The following KCNIP4 variants were observed in gnomAD, a reference collection of about 807,000 sequenced individuals.
The protein encoded by KCNIP4 is Kv channel-interacting protein 4.
KCNIP4 carries 12 observed loss-of-function variants against 34.0 expected under a neutral mutation model. The observed-to-expected ratio is 0.35, with a 90% CI of 0.23 to 0.57. The LOEUF (loss-of-function observed/expected upper bound fraction) is 0.57, where lower values mean the gene tolerates loss of function less well. Ranked by LOEUF, KCNIP4 falls within the 20% of genes least tolerant of loss-of-function variation. The probability of loss-of-function intolerance (pLI) is 0.83; values close to 1 mark genes in which losing one functional copy is unlikely to be tolerated. For missense variants in KCNIP4, 238 were observed against 311.7 expected, an observed-to-expected ratio of 0.76 and a Z score of 1.78; for synonymous variants, 124 against 102.2, an observed-to-expected ratio of 1.21 and a Z score of -1.29.
chr4:21,757,006 AGAATCGCTT>A (rs1717576619), intron 1 of KCNIP4, among the ~76,000 whole-genome samples: 1 of 151,358 alleles, frequency 6.6e-6, no homozygotes, highest in South Asian at 2.1e-4. Context: ...CTGAGGCAGC[AGAATCGCTT>A]GAACCTGGGA....
intron 1 of KCNIP4, among the ~76,000 whole-genome samples, chr4:21,341,586 C>T (rs960602818): frequency 6.6e-6 from 1 of 150,862 alleles, no homozygotes; most frequent in South Asian, 2.1e-4. Context: ...TCCTAAATTG[C>T]AAATTATTGG....
At chr4:21,944,825 A>G (rs1284571527) in intron 1 of KCNIP4, among the ~76,000 whole-genome samples, 1 of 148,758 alleles carries the variant, frequency 6.7e-6, no homozygotes, top group Non-Finnish European at 1.5e-5. Context: ...AAAGTCCCTC[A>G]GGACCTTTAA....
At position 21,114,913 on chromosome 4, in the gene KCNIP4, T is replaced by A. The variant is rs1175730411; in HGVS notation, c.62-232204A>T. Among the ~76,000 whole-genome samples the A allele has an allele frequency of 2.6e-5, 4 of 152,254 alleles. No homozygotes were observed. In the East Asian group the frequency reaches 7.7e-4, roughly 29 times the overall value. Reference sequence around the variant, plus strand: ...CACTCCTCCACTCAAGAAACACCAATGATTTTATATCTTATGCCACAATAA... The same window carrying A: ...CACTCCTCCACTCAAGAAACACCAAAGATTTTATATCTTATGCCACAATAA... On this transcript the variant is annotated intron_variant, in intron 1 of 8. Coordinates refer to ENST00000382152, the MANE Select transcript of KCNIP4 (RefSeq NM_025221.6).
At chr4:21,592,815 C>T (rs962463816) in intron 1 of KCNIP4, among the ~76,000 whole-genome samples, 1 of 152,024 alleles carries the variant, frequency 6.6e-6, no homozygotes, top group East Asian at 1.9e-4. Flanking sequence ...ACTGAAAGAG[C>T]TGACTAGCAC....
At chr4:21,782,030 A>G (rs2125638) in intron 1 of KCNIP4, among the ~76,000 whole-genome samples, 97,074 of 151,594 alleles carry the variant, frequency 0.64, 32,201 homozygotes, top group Non-Finnish European at 0.73. Flanking sequence ...GAGAAAAAAT[A>G]AAGAAATGAA....
intron 1 of KCNIP4, among the ~76,000 whole-genome samples, chr4:21,494,296 T>A (rs986943641): frequency 1.3e-5 from 2 of 152,100 alleles, no homozygotes; most frequent in Non-Finnish European, 2.9e-5. Context: ...ACTTTTTAGA[T>A]GTTATAAGGA....
At chr4:20,781,101 G>A (rs1047473002) in intron 3 of KCNIP4, among the ~76,000 whole-genome samples, 11 of 152,198 alleles carry the variant, frequency 7.2e-5, no homozygotes, top group African/African-American at 2.4e-4. Context: ...GGATATATTG[G>A]TTTATTTTAC....
rs915940771 is a variant in KCNIP4, at chr4:21,172,977, G to A, written c.62-290268C>T. Among the ~76,000 whole-genome samples the A allele has an allele frequency of 3.9e-5, 6 of 152,132 alleles. 1 individual carries two copies. The highest frequency in any genetic ancestry group is 2.1e-4 in the South Asian group (1 of 4,832). On this transcript the variant is annotated intron_variant, in intron 1 of 8. Coordinates refer to ENST00000382152, the MANE Select transcript of KCNIP4 (RefSeq NM_025221.6). ...CATCCCCAGGACTGCATACGGAAGC[G>A]GCACTACAGCTCGTATGGCTAACGC...
At chr4:20,931,778 T>C (rs1730497257) in intron 1 of KCNIP4, among the ~76,000 whole-genome samples, 1 of 151,794 alleles carries the variant, frequency 6.6e-6, no homozygotes, top group Non-Finnish European at 1.5e-5. Context: ...CCAGGGATGG[T>C]GGGTGGGGGA....
At chr4:21,030,131 CA>C (rs1426910065) in intron 1 of KCNIP4, among the ~76,000 whole-genome samples, 1 of 152,148 alleles carries the variant, frequency 6.6e-6, no homozygotes, top group Non-Finnish European at 1.5e-5. Flanking sequence ...GGCGAGCAAG[CA>C]AAGTTTCTTC....
chr4:21,284,081 C>T (rs1011598238), intron 1 of KCNIP4, among the ~76,000 whole-genome samples: 14 of 151,682 alleles, frequency 9.2e-5, no homozygotes, highest in Non-Finnish European at 1.5e-4. Flanking sequence ...GGTGTGGTGG[C>T]GGGCGCCTGT....
At chr4:21,901,707 T>C (rs1727712355) in intron 1 of KCNIP4, among the ~76,000 whole-genome samples, 1 of 152,208 alleles carries the variant, frequency 6.6e-6, no homozygotes, top group Non-Finnish European at 1.5e-5. Flanking sequence ...TGATGAAATC[T>C]ATTACTACGC....
intron 1 of KCNIP4, among the ~76,000 whole-genome samples, chr4:21,858,904 T>C (rs2109347350): frequency 6.6e-6 from 1 of 152,330 alleles, no homozygotes; most frequent in East Asian, 1.9e-4. Context: ...TAATTGTTTA[T>C]AGTTCTTAGG....
At chr4:21,300,252 G>T (rs766445451) in intron 1 of KCNIP4, among the ~76,000 whole-genome samples, 4 of 152,120 alleles carry the variant, frequency 2.6e-5, no homozygotes, top group Non-Finnish European at 4.4e-5. Flanking sequence ...TCCCTGGAAT[G>T]CATTAACAGA....
chr4:21,938,826 A>G (rs1277563728), intron 1 of KCNIP4, among the ~76,000 whole-genome samples: 4 of 152,162 alleles, frequency 2.6e-5, no homozygotes, highest in African/African-American at 9.7e-5. Flanking sequence ...GAGAAGGAAG[A>G]TATGATTTAA....
At chr4:21,243,208 C>T (rs1759980158) in intron 1 of KCNIP4, among the ~76,000 whole-genome samples, 1 of 152,092 alleles carries the variant, frequency 6.6e-6, no homozygotes, top group Non-Finnish European at 1.5e-5. Flanking sequence ...ATAGAGGCCT[C>T]TCTTTATGAT....
chr4:21,229,441 T>A (rs1758639076), intron 1 of KCNIP4, among the ~76,000 whole-genome samples: 1 of 152,202 alleles, frequency 6.6e-6, no homozygotes, highest in Non-Finnish European at 1.5e-5. Context: ...CATTACTTAC[T>A]CTCTGTAAGT....
chr4:21,561,257 A>G (rs1358532934), intron 1 of KCNIP4, among the ~76,000 whole-genome samples: 1 of 152,014 alleles, frequency 6.6e-6, no homozygotes, highest in Non-Finnish European at 1.5e-5. Context: ...GAATATAAAG[A>G]AGAATGAAGT....
chr4:21,720,142 A>C (rs1277920424), intron 1 of KCNIP4, among the ~76,000 whole-genome samples: 1 of 152,102 alleles, frequency 6.6e-6, no homozygotes, highest in Non-Finnish European at 1.5e-5. Context: ...TGGTGATAAG[A>C]GGGACTTCTT....
Sources: gnomAD v4.1 joint callset for allele counts (sites outside exome capture counted in the v4.1 genomes callset) on GRCh38, gnomAD v4.1.1 for gene constraint, MANE v1.5 for transcripts, NCBI Gene and HGNC (gene_info 2026-07-23, HGNC 2026-07-21) for gene names.